The following PLCB4 variants were observed in gnomAD, a reference collection of about 807,000 sequenced individuals.
PLCB4 encodes phospholipase C beta 4, also known as 1-phosphatidylinositol 4,5-bisphosphate phosphodiesterase beta-4.
A neutral mutation model predicts 178.8 loss-of-function variants in PLCB4; 77 were observed. That is an observed-to-expected ratio of 0.43 (90% CI 0.36 to 0.52). The LOEUF is 0.52. Among genes scored for constraint, PLCB4 ranks in the 20% least tolerant of loss-of-function variants. The pLI is 0.00. For missense variants in PLCB4, 1,024 were observed against 1,453.4 expected (o/e 0.70, Z 4.80); for synonymous variants, 496 against 490.8 (o/e 1.01, Z -0.14).
At chr20:9,084,749 T>C (rs2090319682) in intron 1 of PLCB4, among the ~76,000 whole-genome samples, 1 of 152,216 alleles carries the variant, frequency 6.6e-6, no homozygotes, top group African/African-American at 2.4e-5. Flanking sequence ...CAGTACATTC[T>C]TTAATATAAA....
At chr20:9,343,390 C>T (rs34159721) in intron 7 of PLCB4, among the ~76,000 whole-genome samples, 10,675 of 152,210 alleles carry the variant, frequency 0.07, 416 homozygotes, top group African/African-American at 0.094. Context: ...TATTCTTCTA[C>T]TTCTCAAAGA....
At chr20:9,447,164 A>G (rs997335458) in intron 32 of PLCB4, among the ~76,000 whole-genome samples, 7 of 152,316 alleles carry the variant, frequency 4.6e-5, no homozygotes, top group African/African-American at 1.7e-4. Flanking sequence ...CTATAATTAT[A>G]TGAGTTTTGT....
intron 2 of PLCB4, among the ~76,000 whole-genome samples, chr20:9,144,629 CA>C (rs2092557209): frequency 8.5e-6 from 1 of 118,316 alleles, no homozygotes; most frequent in South Asian, 2.8e-4. Context: ...CTAATCTCTA[CA>C]AAAGAAAAAA....
chr20:9,419,441 T>G (rs901031437), intron 25 of PLCB4, among the ~76,000 whole-genome samples: 2 of 152,232 alleles, frequency 1.3e-5, no homozygotes, highest in African/African-American at 4.8e-5. Context: ...CAAGTACAAT[T>G]AATACAGAGG....
chr20:9,292,725 CTG>C (rs1240392171), intron 3 of PLCB4, among the ~76,000 whole-genome samples: 1 of 152,152 alleles, frequency 6.6e-6, no homozygotes, highest in Non-Finnish European at 1.5e-5. Flanking sequence ...GAACAAAACA[CTG>C]TGAACAGCAT....
chr20:9,147,434 A>G (rs1157491636), intron 2 of PLCB4, among the ~76,000 whole-genome samples: 3 of 152,118 alleles, frequency 2.0e-5, no homozygotes, highest in African/African-American at 4.8e-5. Context: ...AGAATAACAT[A>G]TATGTATTTA....
At chr20:9,128,891 C>G (rs891378350) in intron 2 of PLCB4, among the ~76,000 whole-genome samples, 2 of 152,138 alleles carry the variant, frequency 1.3e-5, no homozygotes, top group African/African-American at 4.8e-5. Context: ...ATTGACTACT[C>G]TAGGTTCCCC....
At chr20:9,189,418 T>C (rs35709373) in intron 2 of PLCB4, among the ~76,000 whole-genome samples, 1 of 91,908 alleles carries the variant, frequency 1.1e-5, no homozygotes, top group East Asian at 4.4e-4. Context: ...TAACTGTTCA[T>C]TGTGGAGGGC....
chr20:9,346,540 G>A (rs951402583), intron 7 of PLCB4, among the ~76,000 whole-genome samples: 4 of 152,158 alleles, frequency 2.6e-5, no homozygotes, highest in Non-Finnish European at 4.4e-5. Flanking sequence ...TCAAATGTGG[G>A]ATGAGTGTGT....
At chr20:9,133,710 T>C (rs565930156) in intron 2 of PLCB4, among the ~76,000 whole-genome samples, 1 of 152,316 alleles carries the variant, frequency 6.6e-6, no homozygotes, top group Admixed American at 6.5e-5. Flanking sequence ...TGAAGCTGCA[T>C]AAGTGGATAG....
rs1229959055 is a variant in PLCB4, at chr20:9,172,189, C to T, written c.-78-45201C>T. Among the ~76,000 whole-genome samples the T allele has an allele frequency of 2.6e-5, 4 of 152,240 alleles. No homozygotes were observed. The South Asian group carries it at 6.2e-4, about 24-fold the overall frequency. On this transcript the variant is annotated intron_variant, in intron 2 of 39. Transcript: ENST00000378473. ...ATGACTCCATAGAGCAGGTTGACCC[C>T]ATCCATGATCTAGAATATAAGAATT...
intron 2 of PLCB4, among the ~76,000 whole-genome samples, chr20:9,117,059 A>G (rs531422108): frequency 3.3e-5 from 5 of 152,138 alleles, no homozygotes; most frequent in Admixed American, 1.3e-4. Flanking sequence ...TAACACTCCA[A>G]TTTGTCCGAA....
intron 4 of PLCB4, among the ~76,000 whole-genome samples, chr20:9,323,975 G>A (rs1228860009): frequency 2.0e-5 from 3 of 152,056 alleles, no homozygotes; most frequent in Admixed American, 2.0e-4. Context: ...CCTGTCACTC[G>A]GTTTCTCTCC....
chr20:9,464,296 T>G (rs2043610784), intron 35 of PLCB4, among the ~76,000 whole-genome samples: 1 of 152,114 alleles, frequency 6.6e-6, no homozygotes, highest in African/African-American at 2.4e-5. Flanking sequence ...AGAGGGAAAT[T>G]TATAGCACTA....
At chr20:9,451,907 A>G (rs1273534073) in intron 32 of PLCB4, among the ~76,000 whole-genome samples, 2 of 152,238 alleles carry the variant, frequency 1.3e-5, no homozygotes, top group Non-Finnish European at 2.9e-5. Flanking sequence ...ACCCAGTGCC[A>G]CATTGCAGAA....
chr20:9,111,793 G>A (rs1347410160), intron 2 of PLCB4, among the ~76,000 whole-genome samples: 1 of 152,160 alleles, frequency 6.6e-6, no homozygotes, highest in Non-Finnish European at 1.5e-5. Context: ...CGAATGGCCT[G>A]CTCCAAGTAA....
At chr20:9,073,643 G>A (rs1275694838) in intron 1 of PLCB4, among the ~76,000 whole-genome samples, 2 of 152,154 alleles carry the variant, frequency 1.3e-5, no homozygotes, top group East Asian at 3.9e-4. Flanking sequence ...CAGCACTTTG[G>A]AAGGCTGAGG....
At chr20:9,381,588 A>G (rs1416499304) in intron 13 of PLCB4, among the ~76,000 whole-genome samples, 1 of 152,266 alleles carries the variant, frequency 6.6e-6, no homozygotes, top group Non-Finnish European at 1.5e-5. Flanking sequence ...ATTCCTTCTA[A>G]GTTTTAAAGG....
At chr20:9,309,907 A>G (rs2094810948) in intron 4 of PLCB4, among the ~76,000 whole-genome samples, 1 of 152,174 alleles carries the variant, frequency 6.6e-6, no homozygotes, top group African/African-American at 2.4e-5. Flanking sequence ...TTCCTCTACA[A>G]ACTAGGCAAA....
Sources: allele counts gnomAD v4.1 joint callset (sites outside exome capture counted in the v4.1 genomes callset), GRCh38; gene constraint gnomAD v4.1.1; transcripts MANE v1.5; gene names NCBI Gene and HGNC (gene_info 2026-07-23, HGNC 2026-07-21).